The following GOT2 variants were observed in gnomAD, a reference collection of about 807,000 sequenced individuals.
The protein encoded by GOT2 is glutamic-oxaloacetic transaminase 2.
GOT2 carries 17 observed loss-of-function variants against 50.0 expected under a neutral mutation model. The ratio of observed to expected loss-of-function variants is 0.34; its 90% CI spans 0.23 to 0.51. GOT2 has a LOEUF of 0.51. Ranked by LOEUF, GOT2 falls within the 20% of genes least tolerant of loss-of-function variation. The pLI, the probability that GOT2 is intolerant of heterozygous loss-of-function variation, is 0.97. For missense variants in GOT2, 430 were observed against 559.6 expected (o/e 0.77, Z 2.34); for synonymous variants, 172 against 204.9 (o/e 0.84, Z 1.37).
At position 58,716,895 on chromosome 16, in the gene GOT2, T is replaced by C. The variant is rs2044699874; in HGVS notation, c.703-82A>G. 4 of 1,326,376 alleles carry C rather than the reference T, an allele frequency of 3.0e-6. No homozygotes were observed. In the South Asian group the frequency reaches 3.9e-5, roughly 13 times the overall value. The allele number at this position is 1,326,376 out of a possible 1,614,324, so 82.2% of individuals were successfully genotyped here. A position where few individuals can be genotyped will look rare whatever the true frequency, so the allele number is the denominator to read the frequency against. On this transcript the variant is annotated intron_variant, in intron 6 of 9. Coordinates refer to ENST00000245206, the MANE Select transcript of GOT2 (RefSeq NM_002080.4). ...TTTATAAAAGTCTGAAAGATGTTTATGTGAGGTGGGCATGGTCCCAATAAG... is the reference window on the plus strand; with the variant it reads ...TTTATAAAAGTCTGAAAGATGTTTACGTGAGGTGGGCATGGTCCCAATAAG...
chr16:58,722,456 C>T (rs1349202853), intron 2 of GOT2, among the ~76,000 whole-genome samples, 178 bp from the exon 3 acceptor site: 3 of 150,552 alleles, frequency 2.0e-5, no homozygotes, highest in African/African-American at 7.3e-5. Flanking sequence ...CTGCAACCTC[C>T]ACCTCCCGGG....
At position 58,734,176 on chromosome 16, in the gene GOT2, T is replaced by C; in HGVS notation, c.53A>G (p.His18Arg). 1 of 1,332,130 alleles carries C rather than the reference T, an allele frequency of 7.5e-7. No individual in the cohort carries two copies. The highest frequency in any genetic ancestry group is 1.5e-5 in the African/African-American group (1 of 66,490). 82.5% of individuals were successfully genotyped at this position (1,332,130 alleles called of 1,614,324 possible). The change falls in exon 1 of 10, where the codon CAC becomes CGC. Residue 18 changes from histidine (H) to arginine (R), a missense_variant. His to Arg is a conservative substitution (Grantham distance 29). Transcript: ENST00000245206. Reference protein sequence around the residue: ...RVLPGIAAAFHPGLAAAASAR... With the variant: ...RVLPGIAAAFRPGLAAAASAR... ...AGAGGCCGCGGCGGCGAGGCCCGGG[T>C]GGAAGGCGGCGGCGATCCCGGGGAG... is the stretch of plus-strand genomic sequence containing the variant.
Position 58,734,183 on chromosome 16 carries a change from C to T in GOT2, c.46G>A (p.Ala16Thr). The change falls in exon 1 of 10, where the codon GCC becomes ACC. Residue 16 changes from alanine to threonine, a missense_variant. By Grantham distance (58) the Ala-to-Thr change is moderately conservative. Transcript: ENST00000245206. ...GCGGCGGCGAGGCCCGGGTGGAAGG[C>T]GGCGGCGATCCCGGGGAGGACGCGG... Reference protein sequence around the residue: ...SGRVLPGIAAAFHPGLAAAAS... With the variant: ...SGRVLPGIAATFHPGLAAAAS... The T allele has an allele frequency of 7.5e-7, 1 of 1,334,724 alleles. No individual in the cohort carries two copies. The highest frequency in any genetic ancestry group is 9.6e-7 in the Non-Finnish European group (1 of 1,036,856). The allele number at this position is 1,334,724 out of a possible 1,614,324, so 82.7% of individuals were successfully genotyped here.
At chr16:58,731,036 C>T (rs925486467) in intron 1 of GOT2, among the ~76,000 whole-genome samples, 1 of 151,936 alleles carries the variant, frequency 6.6e-6, no homozygotes, top group Non-Finnish European at 1.5e-5. Context: ...AGTTTTTAAA[C>T]TGCTTTTCCT....
intron 6 of GOT2, 141 bp downstream of exon 6, chr16:58,718,055 C>G: frequency 2.8e-6 from 2 of 724,446 alleles, no homozygotes; most frequent in Non-Finnish European, 5.1e-6. Context: ...AATGGGGAGC[C>G]CTTTTCTGGC....
rs768335492 is a variant in GOT2, at chr16:58,716,643, T to C, written c.853+20A>G. ...TCTCCCAGCATGAGAGCATGTGTCA[T>C]GCTGGATGCTGTAGCTTACCATATA... is the stretch of plus-strand genomic sequence containing the variant. On this transcript the variant is annotated intron_variant, in intron 7 of 9. Coordinates refer to ENST00000245206, the MANE Select transcript of GOT2 (RefSeq NM_002080.4). 2 of 1,610,604 alleles carry C rather than the reference T, an allele frequency of 1.2e-6. No individual in the cohort carries two copies. The highest frequency in any genetic ancestry group is 1.7e-5 in the Admixed American group (1 of 59,936).
At chr16:58,723,260 A>T (rs1249069287) in intron 2 of GOT2, among the ~76,000 whole-genome samples, 1 of 152,244 alleles carries the variant, frequency 6.6e-6, no homozygotes, top group Non-Finnish European at 1.5e-5. Context: ...TAAAGATGCT[A>T]CTAATAAAAA....
At chr16:58,714,707 T>TAA (rs796807740) in intron 8 of GOT2, among the ~76,000 whole-genome samples, 1 of 149,940 alleles carries the variant, frequency 6.7e-6, no homozygotes, top group Non-Finnish European at 1.5e-5. Flanking sequence ...CAAGACTGTT[T>TAA]AAAAAAAAAC....
chr16:58,732,222 T>C (rs1013247881), intron 1 of GOT2, among the ~76,000 whole-genome samples: 2 of 152,088 alleles, frequency 1.3e-5, no homozygotes, highest in African/African-American at 2.4e-5. Context: ...GGAGGACCAC[T>C]TGAGCCTGGA....
At chr16:58,718,367 C>T (rs1182535620) in intron 5 of GOT2, 67 bp from the exon 6 acceptor site, 1 of 1,409,364 alleles carries the variant, frequency 7.1e-7, no homozygotes, top group African/African-American at 1.4e-5. Context: ...TGAAATGCCA[C>T]AGGATCGTCA....
intron 8 of GOT2, among the ~76,000 whole-genome samples, chr16:58,710,396 C>CTTTTTT (rs774270272): frequency 1.4e-5 from 2 of 138,740 alleles, no homozygotes; most frequent in African/African-American, 2.6e-5. Context: ...ATTTTCTTTT[C>CTTTTTT]TTTTTTTTTT....
chr16:58,723,487 C>A (rs1431419893), intron 2 of GOT2, among the ~76,000 whole-genome samples: 6 of 152,132 alleles, frequency 3.9e-5, no homozygotes, highest in African/African-American at 1.4e-4. Context: ...CTAAGCATTT[C>A]TAAAGCGTAT....
Position 58,718,188 on chromosome 16 carries a change from G to T in GOT2, c.702+8C>A. 2 of 1,591,790 alleles carry T rather than the reference G, an allele frequency of 1.3e-6. No homozygotes were observed. The highest frequency in any genetic ancestry group is 1.7e-6 in the Non-Finnish European group (2 of 1,159,682). On this transcript the variant is annotated splice_region_variant and intron_variant, in intron 6 of 9. Transcript: ENST00000245206. ...CAGAACTGTCGCCAGTGAGTTCATC[G>T]TCCTCACCTTCACCACTGTTGCTAT...
At chr16:58,733,160 G>C (rs1477332461) in intron 1 of GOT2, among the ~76,000 whole-genome samples, 6 of 152,136 alleles carry the variant, frequency 3.9e-5, no homozygotes, top group African/African-American at 9.7e-5. Flanking sequence ...GCTCCAAATC[G>C]GCTTCTTGAG....
intron 1 of GOT2, among the ~76,000 whole-genome samples, chr16:58,729,305 C>A (rs1023851339): frequency 6.8e-6 from 1 of 146,894 alleles, no homozygotes; most frequent in African/African-American, 2.5e-5. Context: ...AAAGGAATAC[C>A]CTGAATGTCA....
In GOT2 at chr16:58,718,623, G is replaced by A. The variant is rs767014246; in HGVS notation, c.501C>T (p.Pro167=). The stretch of plus-strand genomic sequence containing the variant: ...GCTGCATGCCAGCATCCCTGAAGAT[G>A]GGTGTGTGGTTTCCCCAGGTTGGTT... ...LPKPTWGNHT[P]IFRDAGMQLQ... is the part of the protein sequence containing the mutation. Residue 167 remains proline, a synonymous_variant, in exon 5 of 10, where the codon CCC becomes CCT. Transcript: ENST00000245206. 1.2e-6 allele frequency: 2 copies of A among 1,610,452 alleles called. No individual in the cohort carries two copies. Among genetic ancestry groups the A allele is most frequent in the Non-Finnish European group, 8.5e-7 (1 of 1,177,912 alleles).
At chr16:58,712,310 G>T (rs887272071) in intron 8 of GOT2, among the ~76,000 whole-genome samples, 3 of 152,266 alleles carry the variant, frequency 2.0e-5, no homozygotes, top group Middle Eastern at 3.4e-3. Flanking sequence ...TCAGGAGTTT[G>T]AGACCAGCCT....
intron 8 of GOT2, 111 bp from the exon 9 acceptor site, chr16:58,709,678 C>A: frequency 1.2e-6 from 1 of 807,720 alleles, no homozygotes; most frequent in Non-Finnish European, 1.9e-6. Context: ...CCTCAATTCT[C>A]AGGTCACGAA....
intron 8 of GOT2, among the ~76,000 whole-genome samples, chr16:58,712,699 A>G (rs116765132): frequency 0.02 from 2,990 of 152,330 alleles, 99 homozygotes; most frequent in African/African-American, 0.067. Flanking sequence ...ACCAGAGAAT[A>G]TGAAAATATT....
Sources: gnomAD v4.1 joint callset for allele counts (sites outside exome capture counted in the v4.1 genomes callset) on GRCh38, gnomAD v4.1.1 for gene constraint, MANE v1.5 for transcripts, NCBI Gene and HGNC (gene_info 2026-07-23, HGNC 2026-07-21) for gene names.